Variants in IL1RAPL2 observed in about 807,000 individuals in gnomAD.
IL1RAPL2 encodes X-linked interleukin-1 receptor accessory protein-like 2.
IL1RAPL2 carries 3 observed loss-of-function variants against 44.1 expected under a neutral mutation model. That is an observed-to-expected ratio of 0.07 (90% CI 0.03 to 0.18). The LOEUF (loss-of-function observed/expected upper bound fraction) is 0.18. Ranked by LOEUF, IL1RAPL2 falls within the 10% of genes least tolerant of loss-of-function variation. IL1RAPL2 has a pLI of 1.00. For missense variants in IL1RAPL2, 391 were observed against 496.4 expected, an observed-to-expected ratio of 0.79 and a Z score of 2.02; for synonymous variants, 181 against 178.8, an observed-to-expected ratio of 1.01 and a Z score of -0.10.
chrX:104,709,924 TAAAAA>T (rs906153049), intron 2 of IL1RAPL2, among the ~76,000 whole-genome samples: 1 of 110,388 alleles, frequency 9.1e-6, no homozygotes, highest in Non-Finnish European at 1.9e-5. Flanking sequence ...AAATGGAAAT[TAAAAA>T]AAGCAGTGAG....
At chrX:104,618,739 A>T (rs1224131819) in intron 1 of IL1RAPL2, among the ~76,000 whole-genome samples, 1 of 111,356 alleles carries the variant, frequency 9.0e-6, no homozygotes, top group Non-Finnish European at 1.9e-5. Flanking sequence ...GTGGTGACTC[A>T]GGCTGCTGAT....
At chrX:105,620,559 T>A (rs1241691927) in intron 6 of IL1RAPL2, among the ~76,000 whole-genome samples, 6 of 110,335 alleles carry the variant, frequency 5.4e-5, no homozygotes, top group African/African-American at 2.0e-4. Flanking sequence ...CTAAGTAACT[T>A]AGCCAAAATC....
chrX:104,664,646 T>A (rs952154170), intron 2 of IL1RAPL2, among the ~76,000 whole-genome samples: 2 of 112,131 alleles, frequency 1.8e-5, no homozygotes, highest in African/African-American at 6.5e-5. Flanking sequence ...ATTCTTTGGG[T>A]GCTTTCTGTC....
intron 4 of IL1RAPL2, among the ~76,000 whole-genome samples, chrX:105,245,488 G>A (rs2034211009): frequency 8.9e-6 from 1 of 111,996 alleles, no homozygotes; most frequent in Non-Finnish European, 1.9e-5. Flanking sequence ...TTCTCTATCT[G>A]AACTGCATCA....
intron 2 of IL1RAPL2, among the ~76,000 whole-genome samples, chrX:105,116,374 A>G (rs994739569): frequency 5.3e-5 from 6 of 113,171 alleles, no homozygotes; most frequent in African/African-American, 1.9e-4. Flanking sequence ...TAGAGAAAAT[A>G]TCTGTGAAGG....
chrX:104,593,932 A>G (rs1332740398), intron 1 of IL1RAPL2, among the ~76,000 whole-genome samples: 1 of 111,890 alleles, frequency 8.9e-6, no homozygotes, highest in Non-Finnish European at 1.9e-5. Context: ...TATCTTTGTG[A>G]TTTTTTCACA....
intron 2 of IL1RAPL2, among the ~76,000 whole-genome samples, chrX:105,134,490 C>T (rs60575762): frequency 0.081 from 8,977 of 111,467 alleles, 872 homozygotes; most frequent in African/African-American, 0.28. Flanking sequence ...TGTTTACACA[C>T]AGAATTATTC....
chrX:105,748,005 G>C (rs1326602716), intron 8 of IL1RAPL2, among the ~76,000 whole-genome samples: 1 of 111,295 alleles, frequency 9.0e-6, no homozygotes, highest in Non-Finnish European at 1.9e-5. Context: ...CTGGTCTGAT[G>C]TCTCTCAGAT....
chrX:104,669,106 C>T (rs996392332), intron 2 of IL1RAPL2, among the ~76,000 whole-genome samples: 3 of 111,627 alleles, frequency 2.7e-5, no homozygotes, highest in Non-Finnish European at 5.7e-5. Flanking sequence ...GGCTACTTTG[C>T]TTTTAATATC....
At chrX:105,736,874 T>C (rs1030352819) in intron 7 of IL1RAPL2, among the ~76,000 whole-genome samples, 2 of 111,660 alleles carry the variant, frequency 1.8e-5, no homozygotes, top group African/African-American at 3.3e-5. Flanking sequence ...TATTGGATTA[T>C]TGGGTATATA....
chrX:105,546,687 T>C (rs2036803624), intron 6 of IL1RAPL2, among the ~76,000 whole-genome samples: 1 of 111,437 alleles, frequency 9.0e-6, no homozygotes, highest in Non-Finnish European at 1.9e-5. Context: ...ACTTTAGTTA[T>C]GGCAAAAAGA....
At chrX:105,076,203 C>T (rs1367373917) in intron 2 of IL1RAPL2, among the ~76,000 whole-genome samples, 1 of 111,262 alleles carries the variant, frequency 9.0e-6, no homozygotes, top group Non-Finnish European at 1.9e-5. Context: ...TCCCTCTACA[C>T]ACTGCTTTGA....
intron 8 of IL1RAPL2, among the ~76,000 whole-genome samples, chrX:105,742,059 G>A (rs1173249172): frequency 2.7e-5 from 3 of 111,005 alleles, no homozygotes; most frequent in Non-Finnish European, 3.8e-5. Context: ...GTCTTATTTC[G>A]GGCTTAGAGA....
intron 2 of IL1RAPL2, among the ~76,000 whole-genome samples, chrX:104,680,579 G>A (rs1930874004): frequency 9.1e-6 from 1 of 110,203 alleles, no homozygotes; most frequent in Admixed American, 9.7e-5. Flanking sequence ...TTTGCTCTGG[G>A]CCCTGCAGAT....
intron 1 of IL1RAPL2, among the ~76,000 whole-genome samples, chrX:104,648,872 A>G (rs1215682264): frequency 9.0e-6 from 1 of 111,453 alleles, no homozygotes; most frequent in East Asian, 2.8e-4. Context: ...GACTATGATC[A>G]CTACAGAAAT....
At chrX:104,842,566 C>T (rs1205367837) in intron 2 of IL1RAPL2, among the ~76,000 whole-genome samples, 3 of 111,948 alleles carry the variant, frequency 2.7e-5, no homozygotes, top group South Asian at 3.7e-4. Flanking sequence ...CCTTTGGATG[C>T]GGTATTTGTG....
chrX:105,318,553 A>G (rs190519331), intron 5 of IL1RAPL2, among the ~76,000 whole-genome samples: 16 of 111,389 alleles, frequency 1.4e-4, no homozygotes, highest in African/African-American at 5.2e-4. Flanking sequence ...GGTTATTCCA[A>G]ACAGAGACAA....
At chrX:105,403,726 T>G (rs1449425676) in intron 5 of IL1RAPL2, among the ~76,000 whole-genome samples, 2 of 111,449 alleles carry the variant, frequency 1.8e-5, no homozygotes, top group African/African-American at 6.5e-5. Context: ...AGGTTCAAAC[T>G]CCTGGAAGGC....
At chrX:104,737,346 A>G (rs898726158) in intron 2 of IL1RAPL2, among the ~76,000 whole-genome samples, 9 of 112,527 alleles carry the variant, frequency 8.0e-5, no homozygotes, top group Non-Finnish European at 1.1e-4. Context: ...AGACGACTCA[A>G]TGACTATTGA....
Sources: gnomAD v4.1 joint callset for allele counts (sites outside exome capture counted in the v4.1 genomes callset) on GRCh38, gnomAD v4.1.1 for gene constraint, MANE v1.5 for transcripts, NCBI Gene and HGNC (gene_info 2026-07-23, HGNC 2026-07-21) for gene names.